CHCHD3: variants seen among roughly 807,000 people sequenced by gnomAD.
The protein encoded by CHCHD3 is MICOS complex subunit MIC19.
Under a neutral mutation model 38.2 loss-of-function variants are expected in CHCHD3, and 20 were observed. The observed-to-expected ratio is 0.52, with a 90% CI of 0.37 to 0.76. The LOEUF (loss-of-function observed/expected upper bound fraction) is 0.76, where lower values mean the gene tolerates loss of function less well. Among genes scored for constraint, CHCHD3 ranks in the 30% least tolerant of loss-of-function variants. CHCHD3 has a pLI of 0.00. For synonymous variants in CHCHD3, 82 were observed against 100.0 expected, an observed-to-expected ratio of 0.82 and a Z score of 1.07; for missense variants, 245 against 279.2, an observed-to-expected ratio of 0.88 and a Z score of 0.87.
intron 6 of CHCHD3, among the ~76,000 whole-genome samples, chr7:132,833,104 C>T (rs1234625108): frequency 6.6e-6 from 1 of 152,050 alleles, no homozygotes; most frequent in African/African-American, 2.4e-5. Context: ...TAAAATAATA[C>T]TTTGTTTAAT....
intron 4 of CHCHD3, among the ~76,000 whole-genome samples, chr7:132,892,148 A>G (rs1809377327): frequency 1.3e-5 from 2 of 152,202 alleles, no homozygotes; most frequent in South Asian, 4.1e-4. Flanking sequence ...CGTTGGGACA[A>G]TTTGGAGATC....
intron 3 of CHCHD3, among the ~76,000 whole-genome samples, chr7:133,004,743 A>G (rs1038648851): frequency 2.0e-5 from 3 of 152,234 alleles, no homozygotes; most frequent in Non-Finnish European, 2.9e-5. Context: ...TTTAAATAAC[A>G]TAACACTTTG....
chr7:132,922,196 G>A (rs1810278473), intron 4 of CHCHD3, among the ~76,000 whole-genome samples: 1 of 152,162 alleles, frequency 6.6e-6, no homozygotes, highest in African/African-American at 2.4e-5. Context: ...TGCCTGGGAA[G>A]CTGCCTGAGA....
At chr7:133,010,118 A>C (rs1011270597) in intron 3 of CHCHD3, among the ~76,000 whole-genome samples, 20 of 152,234 alleles carry the variant, frequency 1.3e-4, no homozygotes, top group Non-Finnish European at 2.6e-4. Flanking sequence ...GGAGTAAAAG[A>C]GAACTGGATT....
At chr7:132,826,866 C>T (rs1452686131) in intron 6 of CHCHD3, among the ~76,000 whole-genome samples, 1 of 152,142 alleles carries the variant, frequency 6.6e-6, no homozygotes, top group Admixed American at 6.5e-5. Context: ...CTTATCCAAG[C>T]CTACCTACAA....
intron 4 of CHCHD3, among the ~76,000 whole-genome samples, chr7:132,969,765 C>A (rs918945777): frequency 2.6e-5 from 4 of 152,178 alleles, no homozygotes; most frequent in African/African-American, 4.8e-5. Context: ...GGCTTCCAGC[C>A]ATTTCCTCCT....
At chr7:132,872,014 T>A (rs1242121323) in intron 5 of CHCHD3, among the ~76,000 whole-genome samples, 1 of 152,160 alleles carries the variant, frequency 6.6e-6, no homozygotes, top group East Asian at 1.9e-4. Context: ...GGAGATCTCC[T>A]AGGAAGGAAT....
At chr7:133,005,590 T>A (rs1215213991) in intron 3 of CHCHD3, among the ~76,000 whole-genome samples, 1 of 152,118 alleles carries the variant, frequency 6.6e-6, no homozygotes, top group Non-Finnish European at 1.5e-5. Context: ...TCTCATGGAG[T>A]TTTCATTTCA....
Position 132,838,466 on chromosome 7 carries a change from A to C in CHCHD3, c.457T>G (p.Ser153Ala). 6.2e-7 allele frequency: 1 copy of C among 1,609,084 alleles called. No individual in the cohort carries two copies. Among genetic ancestry groups the C allele is most frequent in the Non-Finnish European group, 8.5e-7 (1 of 1,176,546 alleles). ...TCAGTGGTGACTCTGTAGAACTCTG[A>C]GCTCTGTGGACAAAGATTGATAGCA... ...EQLARLEERS[S>A]EFYRVTTEQY... is the part of the protein sequence containing the mutation. Residue 153 changes from serine to alanine, a missense_variant, in exon 6 of 8, where the codon TCA becomes GCA. Ser to Ala is a moderately conservative substitution (Grantham distance 99). Transcript: ENST00000262570.
intron 4 of CHCHD3, among the ~76,000 whole-genome samples, chr7:132,901,663 A>T (rs1298310991): frequency 2.6e-5 from 4 of 151,930 alleles, no homozygotes; most frequent in Non-Finnish European, 5.9e-5. Flanking sequence ...GATGGGGTTG[A>T]TTGTTTTTTT....
At chr7:132,875,724 T>G (rs924510904) in intron 5 of CHCHD3, among the ~76,000 whole-genome samples, 4 of 152,194 alleles carry the variant, frequency 2.6e-5, no homozygotes, top group Non-Finnish European at 5.9e-5. Flanking sequence ...AATAAATGTG[T>G]TTTTGAATGA....
chr7:132,851,348 C>A (rs1035294706), intron 5 of CHCHD3, among the ~76,000 whole-genome samples: 17 of 152,136 alleles, frequency 1.1e-4, no homozygotes, highest in African/African-American at 4.1e-4. Context: ...TGACTCTAAT[C>A]CTTTCTCTAT....
chr7:133,000,178 A>G (rs1265659227), intron 3 of CHCHD3, among the ~76,000 whole-genome samples: 1 of 152,180 alleles, frequency 6.6e-6, no homozygotes, highest in African/African-American at 2.4e-5. Flanking sequence ...CTTAATTGCC[A>G]CCAGAGTCAT....
chr7:132,987,754 A>G (rs902442066), intron 3 of CHCHD3, among the ~76,000 whole-genome samples: 8 of 152,230 alleles, frequency 5.3e-5, no homozygotes, highest in African/African-American at 1.9e-4. Flanking sequence ...ATTTTTAGAG[A>G]AACTAAAAAA....
chr7:133,048,217 A>G (rs527550274), intron 2 of CHCHD3, among the ~76,000 whole-genome samples: 1 of 152,310 alleles, frequency 6.6e-6, no homozygotes, highest in South Asian at 2.1e-4. Flanking sequence ...GGATAAAGTC[A>G]GCGGGGGAGG....
At chr7:132,912,708 C>G (rs1421241605) in intron 4 of CHCHD3, among the ~76,000 whole-genome samples, 2 of 152,172 alleles carry the variant, frequency 1.3e-5, no homozygotes, top group Non-Finnish European at 2.9e-5. Flanking sequence ...GCGTGCGCCA[C>G]CACACCCGGC....
chr7:132,824,746 C>T (rs1807467441), intron 6 of CHCHD3, among the ~76,000 whole-genome samples: 1 of 152,184 alleles, frequency 6.6e-6, no homozygotes, highest in African/African-American at 2.4e-5. Context: ...ACCTCTCCCA[C>T]ACTGTTTCAG....
At chr7:132,909,381 C>T (rs1360228006) in intron 4 of CHCHD3, among the ~76,000 whole-genome samples, 1 of 152,070 alleles carries the variant, frequency 6.6e-6, no homozygotes, top group East Asian at 1.9e-4. Flanking sequence ...GTCCCAGCTA[C>T]TTGGGAGGCT....
chr7:132,879,493 C>G (rs1808995053), intron 5 of CHCHD3, among the ~76,000 whole-genome samples: 1 of 151,882 alleles, frequency 6.6e-6, no homozygotes, highest in South Asian at 2.1e-4. Context: ...AACACATTAT[C>G]AAAGAGCTCA....
Sources: allele counts gnomAD v4.1 joint callset (sites outside exome capture counted in the v4.1 genomes callset), GRCh38; gene constraint gnomAD v4.1.1; transcripts MANE v1.5; gene names NCBI Gene and HGNC (gene_info 2026-07-23, HGNC 2026-07-21).